Variants in ACTR3 observed in about 807,000 individuals in gnomAD.
ACTR3 encodes the protein actin related protein 3.
ACTR3 carries 12 observed loss-of-function variants against 56.8 expected under a neutral mutation model. The observed-to-expected ratio is 0.21, with a 90% CI of 0.14 to 0.34. The LOEUF (loss-of-function observed/expected upper bound fraction) is 0.34. Among genes scored for constraint, ACTR3 ranks in the 10% least tolerant of loss-of-function variants. ACTR3 has a pLI of 1.00. For missense variants in ACTR3, 282 were observed against 512.5 expected, an observed-to-expected ratio of 0.55 and a Z score of 4.34; for synonymous variants, 162 against 167.4, an observed-to-expected ratio of 0.97 and a Z score of 0.25.
chr2:113,940,146 C>T, intron 7 of ACTR3, 44 bp downstream of exon 7: 3 of 1,554,178 alleles, frequency 1.9e-6, no homozygotes, highest in Non-Finnish European at 2.6e-6. Context: ...AAATTAAAAT[C>T]ACATTTATAA....
At chr2:113,909,785 T>C (rs1217424661) in intron 1 of ACTR3, among the ~76,000 whole-genome samples, 1 of 152,026 alleles carries the variant, frequency 6.6e-6, no homozygotes, top group Non-Finnish European at 1.5e-5. Flanking sequence ...TGGAAATGAT[T>C]ATGGAGAACT....
At chr2:113,927,681 A>G (rs1559475583) in intron 4 of ACTR3, among the ~76,000 whole-genome samples, 2 of 152,200 alleles carry the variant, frequency 1.3e-5, no homozygotes. Flanking sequence ...TTGGTAGTTA[A>G]TGTCTAATCT....
chr2:113,892,249 A>C (rs568958320), intron 1 of ACTR3, among the ~76,000 whole-genome samples: 12 of 152,256 alleles, frequency 7.9e-5, no homozygotes, highest in Non-Finnish European at 1.5e-4. Flanking sequence ...AAACATGCTG[A>C]ATGACCAGTA....
At chr2:113,953,777 T>C (rs1680162976) in intron 10 of ACTR3, 1 of 152,236 alleles carries the variant, frequency 6.6e-6, no homozygotes, top group African/African-American at 2.4e-5. Context: ...ATATTACAAT[T>C]ATCAAAATCA....
intron 3 of ACTR3, among the ~76,000 whole-genome samples, chr2:113,918,169 A>G (rs1338684079): frequency 6.6e-6 from 1 of 152,170 alleles, no homozygotes; most frequent in Non-Finnish European, 1.5e-5. Flanking sequence ...AAAGAATTTG[A>G]ACCCTATCCT....
intron 1 of ACTR3, among the ~76,000 whole-genome samples, chr2:113,901,464 G>C (rs761816767): frequency 5.9e-5 from 9 of 152,206 alleles, no homozygotes; most frequent in African/African-American, 1.2e-4. Context: ...TAGGCATTGG[G>C]ATCAATTAGT....
intron 9 of ACTR3, 68 bp downstream of exon 9, chr2:113,951,639 A>G (rs113292248): frequency 6.6e-7 from 1 of 1,506,648 alleles, no homozygotes; most frequent in Non-Finnish European, 9.1e-7. Flanking sequence ...CATAAAAAGG[A>G]TATAATAGCA....
At chr2:113,924,201 C>T (rs13031774) in intron 3 of ACTR3, among the ~76,000 whole-genome samples, 18,574 of 151,538 alleles carry the variant, frequency 0.12, 1,822 homozygotes, top group African/African-American at 0.27. Flanking sequence ...TCCTGAGTAG[C>T]GGGGACTACA....
intron 1 of ACTR3, among the ~76,000 whole-genome samples, chr2:113,897,598 C>T (rs1679033194): frequency 7.3e-6 from 1 of 137,024 alleles, no homozygotes. Context: ...GTGATCTTGG[C>T]TTGCTGAAAC....
At chr2:113,892,966 C>A (rs1278836534) in intron 1 of ACTR3, among the ~76,000 whole-genome samples, 1 of 152,114 alleles carries the variant, frequency 6.6e-6, no homozygotes, top group Non-Finnish European at 1.5e-5. Flanking sequence ...AGATTCAGGT[C>A]ATAAAAGAGA....
intron 1 of ACTR3, among the ~76,000 whole-genome samples, chr2:113,906,033 C>T (rs911830411): frequency 2.4e-4 from 37 of 152,200 alleles, no homozygotes; most frequent in Non-Finnish European, 2.5e-4. Context: ...ATTGTTGGGT[C>T]GTGTAATTAC....
intron 8 of ACTR3, among the ~76,000 whole-genome samples, chr2:113,946,139 C>T (rs1680015780): frequency 6.6e-6 from 1 of 152,048 alleles, no homozygotes; most frequent in African/African-American, 2.4e-5. Context: ...ACAATTTATA[C>T]TCCTTTGGGT....
intron 1 of ACTR3, among the ~76,000 whole-genome samples, chr2:113,902,434 C>T (rs865974241): frequency 6.6e-6 from 1 of 151,718 alleles, no homozygotes; most frequent in African/African-American, 2.4e-5. Flanking sequence ...TAAACCTCAG[C>T]TACAGGATTT....
intron 10 of ACTR3, chr2:113,952,907 C>CT (rs1347242154): frequency 6.6e-6 from 1 of 152,184 alleles, no homozygotes; most frequent in Non-Finnish European, 1.5e-5. Flanking sequence ...ACCCACATAT[C>CT]TATCTACCCT....
At chr2:113,946,340 CTT>C (rs1166059753) in intron 8 of ACTR3, among the ~76,000 whole-genome samples, 2 of 150,206 alleles carry the variant, frequency 1.3e-5, no homozygotes, top group South Asian at 2.1e-4. Context: ...AATATTTTCT[CTT>C]TCCTTCATTT....
At position 113,890,839 on chromosome 2, in the gene ACTR3, G is replaced by A. The variant is rs867481726; in HGVS notation, c.44+516G>A. The A allele has an allele frequency of 2.4e-5, 23 of 975,802 alleles. No homozygotes were observed. In the African/African-American group the frequency reaches 3.7e-4, roughly 16 times the overall value. The allele number at this position is 975,802 out of a possible 1,614,324, so 60.4% of individuals were successfully genotyped here. A position where few individuals can be genotyped will look rare whatever the true frequency, so the allele number is the denominator to read the frequency against. Reference sequence around the variant, plus strand: ...CCAGGGTGTGGGTGGGGAAAGGGAAGAATCGGACTCTGAAAATGGGAACCT... The same window carrying A: ...CCAGGGTGTGGGTGGGGAAAGGGAAAAATCGGACTCTGAAAATGGGAACCT... On this transcript the variant is annotated intron_variant, in intron 1 of 11. Coordinates refer to ENST00000263238, the MANE Select transcript of ACTR3 (RefSeq NM_005721.5).
intron 10 of ACTR3, chr2:113,953,377 C>CTTAA (rs1208911809): frequency 1.3e-5 from 2 of 152,120 alleles, no homozygotes; most frequent in Non-Finnish European, 2.9e-5. Context: ...GTTCAACATC[C>CTTAA]TTAATCCAAA....
intron 8 of ACTR3, among the ~76,000 whole-genome samples, chr2:113,948,470 C>G (rs1680061705): frequency 6.6e-6 from 1 of 152,180 alleles, no homozygotes; most frequent in South Asian, 2.1e-4. Flanking sequence ...CGTTGTCTGT[C>G]GAATTCCAAC....
Position 113,915,131 on chromosome 2 carries a change from T to C in ACTR3, c.101-1753T>C, listed in dbSNP as rs77324157. On this transcript the variant is annotated intron_variant, in intron 2 of 11. Transcript: ENST00000263238. ...AGTGTTAGACCATCGTGTATGTACT[T>C]ACTGGTTTCTTTAAGCTACCGTACG... Among the ~76,000 whole-genome samples, 22 of 152,350 alleles carry C rather than the reference T, an allele frequency of 1.4e-4. No individual in the cohort carries two copies. In the East Asian group the frequency reaches 3.7e-3, roughly 25 times the overall value.
Sources: gnomAD v4.1 joint callset for allele counts (sites outside exome capture counted in the v4.1 genomes callset) on GRCh38, gnomAD v4.1.1 for gene constraint, MANE v1.5 for transcripts, NCBI Gene and HGNC (gene_info 2026-07-23, HGNC 2026-07-21) for gene names.